The following MGAT5 variants were observed in gnomAD, a reference collection of about 807,000 sequenced individuals.
The protein encoded by MGAT5 is alpha-1,6-mannosylglycoprotein 6-beta-N-acetylglucosaminyltransferase A.
Under a neutral mutation model 94.3 loss-of-function variants are expected in MGAT5, and 30 were observed. The ratio of observed to expected loss-of-function variants is 0.32; its 90% CI spans 0.24 to 0.43. MGAT5 has a LOEUF of 0.43. Among genes scored for constraint, MGAT5 ranks in the 20% least tolerant of loss-of-function variants. MGAT5 has a pLI of 1.00. For missense variants in MGAT5, 691 were observed against 905.5 expected, an observed-to-expected ratio of 0.76 and a Z score of 3.04; for synonymous variants, 310 against 322.9, an observed-to-expected ratio of 0.96 and a Z score of 0.43.
chr2:134,270,411 A>G lies in MGAT5; in HGVS notation c.267A>G (p.Leu89=). The G allele has an allele frequency of 6.2e-7, 1 of 1,614,170 alleles. No individual in the cohort carries two copies. The part of the protein sequence containing the change: ...AYDLKKTLAV[L]LDNILQRIGK... ...ATCTGAAGAAAACCCTTGCTGTGTT[A>G]TTAGATAACATTTTGCAGCGCATTG... The change falls in exon 2 of 16, where the codon TTA becomes TTG. Residue 89 remains leucine, a synonymous_variant. Coordinates refer to ENST00000281923, the MANE Select transcript of MGAT5 (RefSeq NM_002410.5).
chr2:134,330,525 A>G (rs1025017359), intron 4 of MGAT5, among the ~76,000 whole-genome samples: 2 of 148,352 alleles, frequency 1.3e-5, no homozygotes, highest in African/African-American at 5.1e-5. Context: ...TACCCGTGTT[A>G]TAAGGCCCTA....
At chr2:134,260,541 C>T (rs1683258719) in intron 1 of MGAT5, among the ~76,000 whole-genome samples, 1 of 152,032 alleles carries the variant, frequency 6.6e-6, no homozygotes, top group Non-Finnish European at 1.5e-5. Context: ...CCTTCCACCT[C>T]TCTTGTGAAA....
intron 10 of MGAT5, among the ~76,000 whole-genome samples, chr2:134,401,071 CTTA>C (rs752915809): frequency 6.6e-6 from 1 of 150,748 alleles, no homozygotes; most frequent in Non-Finnish European, 1.5e-5. Flanking sequence ...CTTCCTTCTC[CTTA>C]TTCTTCTTCT....
chr2:134,440,433 A>G (rs1323366108), intron 14 of MGAT5, among the ~76,000 whole-genome samples: 1 of 152,046 alleles, frequency 6.6e-6, no homozygotes, highest in Admixed American at 6.6e-5. Flanking sequence ...CCACATTCCA[A>G]AGCTGGGCAC....
rs532130493 is a variant in MGAT5, at chr2:134,389,214, T to C, written c.1381-13774T>C. 8.5e-5 allele frequency among the ~76,000 whole-genome samples: 13 copies of C among 152,364 alleles called. No individual in the cohort carries two copies. The South Asian group carries it at 2.1e-3, about 24-fold the overall frequency. Reference sequence around the variant, plus strand: ...CTAGACCCATTAGTTCATTAGTACTTGCTAGTGATAGTCTAATTAAGTGTC... The same window carrying C: ...CTAGACCCATTAGTTCATTAGTACTCGCTAGTGATAGTCTAATTAAGTGTC... On this transcript the variant is annotated intron_variant, in intron 10 of 15. Coordinates refer to ENST00000281923, the MANE Select transcript of MGAT5 (RefSeq NM_002410.5).
chr2:134,321,079 T>A (rs190823927), intron 4 of MGAT5, among the ~76,000 whole-genome samples: 1 of 152,288 alleles, frequency 6.6e-6, no homozygotes, highest in African/African-American at 2.4e-5. Context: ...AGCATTTATA[T>A]GAGTTTCTGG....
intron 9 of MGAT5, among the ~76,000 whole-genome samples, chr2:134,361,234 A>C (rs1180656469): frequency 6.6e-6 from 1 of 152,212 alleles, no homozygotes; most frequent in Non-Finnish European, 1.5e-5. Context: ...GATGTGGTGG[A>C]CTTTTCAGAA....
chr2:134,448,693 T>C lies in MGAT5; in HGVS notation c.2072T>C (p.Leu691Pro), dbSNP rs1281198402. ...CQSSELAKDI[L>P]VPSFDPKNKH... The stretch of plus-strand genomic sequence containing the variant: ...AGCTCAGAGCTGGCCAAGGACATCC[T>C]GGTGCCCTCCTTTGACCCTAAGAAT... Residue 691 changes from leucine (L) to proline (P), a missense_variant, in exon 16 of 16, where the codon CTG (leucine) becomes CCG (proline). Leu to Pro is a moderately conservative substitution (Grantham distance 98, BLOSUM62 -3). Around this residue, in one of 4 missense-constraint regions of MGAT5, gnomAD observed 260 missense variants for 347.0 expected, o/e 0.75. Coordinates refer to ENST00000281923, the MANE Select transcript of MGAT5 (RefSeq NM_002410.5). 6.2e-7 allele frequency: 1 copy of C among 1,614,248 alleles called. No homozygotes were observed. Among genetic ancestry groups the C allele is most frequent in the South Asian group, 1.1e-5 (1 of 91,086 alleles).
chr2:134,419,343 A>C (rs1258948954), intron 12 of MGAT5, among the ~76,000 whole-genome samples: 2 of 152,084 alleles, frequency 1.3e-5, no homozygotes, highest in African/African-American at 4.8e-5. Flanking sequence ...GTTTTAATAT[A>C]AACTGGATTT....
At chr2:134,311,047 T>C (rs1325629932) in intron 2 of MGAT5, among the ~76,000 whole-genome samples, 1 of 152,174 alleles carries the variant, frequency 6.6e-6, no homozygotes, top group East Asian at 1.9e-4. Context: ...CAAAATAGAA[T>C]TGCTGGAGAA....
At chr2:134,184,021 C>T (rs985475849) in intron 1 of MGAT5, among the ~76,000 whole-genome samples, 9 of 152,240 alleles carry the variant, frequency 5.9e-5, no homozygotes, top group African/African-American at 2.2e-4. Context: ...AAGCCTTTCT[C>T]TTTTTTAATT....
At position 134,338,331 on chromosome 2, in the gene MGAT5, C is replaced by G; in HGVS notation, c.718C>G (p.Leu240Val). The G allele has an allele frequency of 6.2e-7, 1 of 1,613,172 alleles. No individual in the cohort carries two copies. The highest frequency in any genetic ancestry group is 8.5e-7 in the Non-Finnish European group (1 of 1,179,496). Residue 240 changes from leucine to valine, a missense_variant, in exon 6 of 16, where the codon CTA (leucine) becomes GTA (valine). Leu to Val is a conservative substitution (Grantham distance 32). This residue lies in a region of MGAT5 where 307 missense variants were observed against 335.4 expected (regional missense o/e 0.92). Coordinates refer to ENST00000281923, the MANE Select transcript of MGAT5 (RefSeq NM_002410.5). ...KKHEEFRWMRLRIRRMADAWI... is the reference protein window; with the variant it reads ...KKHEEFRWMRVRIRRMADAWI... The stretch of plus-strand genomic sequence containing the variant: ...GCATGAAGAATTCCGGTGGATGAGA[C>G]TACGGATCCGGCGAATGGCTGACGC...
intron 13 of MGAT5, among the ~76,000 whole-genome samples, chr2:134,424,918 A>T (rs886471727): frequency 2.0e-5 from 3 of 152,126 alleles, no homozygotes; most frequent in African/African-American, 4.8e-5. Context: ...ATTAGGGCCC[A>T]CCCTAATTCA....
chr2:134,312,468 C>T (rs1371112359), intron 2 of MGAT5, among the ~76,000 whole-genome samples: 1 of 152,120 alleles, frequency 6.6e-6, no homozygotes, highest in Non-Finnish European at 1.5e-5. Flanking sequence ...CCAAGTAAGG[C>T]TCTCCCACTG....
Position 134,237,942 on chromosome 2 carries a change from T to G in MGAT5, c.-142-16320T>G, listed in dbSNP as rs528090409. Among the ~76,000 whole-genome samples the G allele has an allele frequency of 1.4e-3, 217 of 152,060 alleles. 2 individuals carry two copies. The highest frequency in any genetic ancestry group is 2.7e-3 in the Admixed American group (42 of 15,290). On this transcript the variant is annotated intron_variant, in intron 1 of 16. Transcript: ENST00000409645. The stretch of plus-strand genomic sequence containing the variant: ...ATTTTTGTATTTTTAGTAGAGATGG[T>G]GTTTCACCATGTTGGCCAGGCTGAT...
chr2:134,355,976 C>A (rs1373583219), intron 9 of MGAT5, among the ~76,000 whole-genome samples: 2 of 152,226 alleles, frequency 1.3e-5, no homozygotes, highest in Non-Finnish European at 1.5e-5. Context: ...AACAGCCTCA[C>A]TTTTCATATC....
chr2:134,150,211 T>C (rs916445651), intron 1 of MGAT5, among the ~76,000 whole-genome samples: 1 of 152,182 alleles, frequency 6.6e-6, no homozygotes, highest in Non-Finnish European at 1.5e-5. Context: ...TCCCTTTCCC[T>C]GGCCTCCTAG....
rs1231262338 is a variant in MGAT5 at position 134,435,314 on chromosome 2, G to A, written c.1870-6444G>A. ...TGCTCCCCCTGGAATGTACTCCCTT[G>A]TCAAATCTTCTGATCTAGATGTTCC... On this transcript the variant is annotated intron_variant, in intron 14 of 15. Transcript: ENST00000281923. Among the ~76,000 whole-genome samples, 3 of 152,148 alleles carry A rather than the reference G, an allele frequency of 2.0e-5. No individual in the cohort carries two copies. The East Asian group carries it at 5.8e-4, about 29-fold the overall frequency.
chr2:134,368,735 GT>G (rs1680590488), intron 10 of MGAT5, among the ~76,000 whole-genome samples: 1 of 152,186 alleles, frequency 6.6e-6, no homozygotes, highest in African/African-American at 2.4e-5. Context: ...GTGAAATCCA[GT>G]CTGGGTAGTG....
Sources: gnomAD v4.1 joint callset for allele counts (sites outside exome capture counted in the v4.1 genomes callset) on GRCh38, gnomAD v4.1.1 for gene constraint, gnomAD v4.1.1 regional missense constraint, MANE v1.5 for transcripts, NCBI Gene and HGNC (gene_info 2026-07-23, HGNC 2026-07-21) for gene names.